Variants in WWOX observed in about 807,000 individuals in gnomAD.
WWOX encodes the protein WW domain containing oxidoreductase.
In WWOX, 69 loss-of-function variants were observed where a neutral mutation model predicts 46.2. The observed-to-expected ratio is 1.49, with a 90% CI of 1.23 to 1.82. The LOEUF is 1.82. Ranked by LOEUF, WWOX falls within the 40% of genes most tolerant of loss-of-function variation. WWOX has a pLI of 0.00. For synonymous variants in WWOX, 359 were observed against 202.6 expected (o/e 1.77, Z -6.56); for missense variants, 919 against 542.6 (o/e 1.69, Z -6.89).
intron 8 of WWOX, among the ~76,000 whole-genome samples, chr16:78,980,219 C>T (rs559704929): frequency 2.0e-5 from 3 of 152,338 alleles, no homozygotes; most frequent in African/African-American, 7.2e-5. Flanking sequence ...CCTTTATAAG[C>T]ATCTAGTTTT....
At chr16:78,941,456 A>T (rs1440933341) in intron 8 of WWOX, among the ~76,000 whole-genome samples, 1 of 149,588 alleles carries the variant, frequency 6.7e-6, no homozygotes, top group Admixed American at 6.7e-5. Context: ...TCCTCCGAAC[A>T]AAGTCCTTTT....
At chr16:78,717,588 T>C (rs1457951154) in intron 8 of WWOX, among the ~76,000 whole-genome samples, 1 of 152,134 alleles carries the variant, frequency 6.6e-6, no homozygotes, top group African/African-American at 2.4e-5. Context: ...TGGAAGAGAT[T>C]AATGAGTTGG....
At chr16:78,485,330 G>A (rs1339039151) in intron 8 of WWOX, among the ~76,000 whole-genome samples, 2 of 151,986 alleles carry the variant, frequency 1.3e-5, no homozygotes, top group African/African-American at 4.8e-5. Context: ...TTCGATTTTG[G>A]CTCTGTGTTG....
At chr16:78,171,636 T>C (rs1396728710) in intron 5 of WWOX, among the ~76,000 whole-genome samples, 1 of 152,178 alleles carries the variant, frequency 6.6e-6, no homozygotes, top group Admixed American at 6.5e-5. Context: ...AGATAAAAGC[T>C]ATTAATATTA....
chr16:78,642,425 G>T (rs372730656), intron 8 of WWOX, among the ~76,000 whole-genome samples: 1 of 151,976 alleles, frequency 6.6e-6, no homozygotes, highest in East Asian at 1.9e-4. Context: ...TTCTCTTTGG[G>T]CTCCCTGCTT....
intron 8 of WWOX, among the ~76,000 whole-genome samples, chr16:79,008,265 AG>A (rs1332252163): frequency 3.9e-5 from 6 of 152,196 alleles, no homozygotes; most frequent in Admixed American, 2.6e-4. Context: ...TCAAGACTGA[AG>A]GAGGCTCCCC....
intron 8 of WWOX, among the ~76,000 whole-genome samples, chr16:78,844,559 C>T (rs971400943): frequency 1.1e-4 from 16 of 152,144 alleles, no homozygotes; most frequent in African/African-American, 3.6e-4. Flanking sequence ...GATAGGTGTA[C>T]AAAAGGGAAA....
At chr16:78,979,060 G>T (rs190991425) in intron 8 of WWOX, among the ~76,000 whole-genome samples, 29 of 148,690 alleles carry the variant, frequency 2.0e-4, no homozygotes, top group African/African-American at 7.2e-4. Flanking sequence ...GGTCTCCTTC[G>T]TCCTCCCTGC....
intron 8 of WWOX, among the ~76,000 whole-genome samples, chr16:79,003,411 T>A (rs1305995516): frequency 2.0e-5 from 3 of 152,218 alleles, no homozygotes; most frequent in African/African-American, 7.2e-5. Context: ...GTGAGGCCTC[T>A]TCCGCTTATC....
At chr16:78,723,417 C>A (rs1002095121) in intron 8 of WWOX, among the ~76,000 whole-genome samples, 1 of 150,012 alleles carries the variant, frequency 6.7e-6, no homozygotes, top group Non-Finnish European at 1.5e-5. Context: ...CCTGATGGTG[C>A]CAAGCTATTA....
intron 8 of WWOX, among the ~76,000 whole-genome samples, chr16:78,820,430 T>C (rs1355468882): frequency 6.6e-6 from 1 of 152,150 alleles, no homozygotes; most frequent in East Asian, 1.9e-4. Flanking sequence ...TCCTAATTCA[T>C]TTTCCCATCC....
intron 8 of WWOX, among the ~76,000 whole-genome samples, chr16:78,782,930 C>G (rs1276549333): frequency 6.6e-6 from 1 of 152,150 alleles, no homozygotes; most frequent in African/African-American, 2.4e-5. Context: ...GCTCTTTTGA[C>G]TTAGGCATAG....
intron 8 of WWOX, among the ~76,000 whole-genome samples, chr16:78,578,285 T>TATATATATATATATATATA (rs10638175): frequency 1.7e-3 from 22 of 12,934 alleles, no homozygotes; most frequent in South Asian, 2.8e-3. Flanking sequence ...TATATATATA[T>TATATATATATATATATATA]TTTTTTTTTT....
intron 8 of WWOX, among the ~76,000 whole-genome samples, chr16:78,841,769 T>C (rs1003622087): frequency 1.3e-5 from 2 of 152,238 alleles, no homozygotes; most frequent in African/African-American, 4.8e-5. Flanking sequence ...TTGTCAATTA[T>C]GTTTTCTTTA....
At chr16:78,932,083 C>G (rs1314209275) in intron 8 of WWOX, among the ~76,000 whole-genome samples, 4 of 152,220 alleles carry the variant, frequency 2.6e-5, no homozygotes, top group Non-Finnish European at 4.4e-5. Flanking sequence ...AACCTCTTTC[C>G]TTTATAAATT....
chr16:78,959,493 G>A (rs1239054509), intron 8 of WWOX, among the ~76,000 whole-genome samples: 1 of 152,132 alleles, frequency 6.6e-6, no homozygotes, highest in Non-Finnish European at 1.5e-5. Flanking sequence ...CCATCTATCT[G>A]TCCATCCATC....
intron 8 of WWOX, among the ~76,000 whole-genome samples, chr16:79,065,895 T>C (rs190535830): frequency 6.6e-6 from 1 of 152,320 alleles, no homozygotes; most frequent in Admixed American, 6.5e-5. Flanking sequence ...CAAAGGTGGC[T>C]TCATTCTCAT....
chr16:79,173,147 C>G (rs1200639732), intron 8 of WWOX, among the ~76,000 whole-genome samples: 1 of 152,200 alleles, frequency 6.6e-6, no homozygotes, highest in Non-Finnish European at 1.5e-5. Flanking sequence ...ACATGTGTGC[C>G]CATGTCTCTG....
chr16:78,481,635 G>GAAA (rs373734150), intron 8 of WWOX, among the ~76,000 whole-genome samples: 2 of 123,226 alleles, frequency 1.6e-5, no homozygotes, highest in African/African-American at 3.9e-5. Flanking sequence ...ATGGAATTGT[G>GAAA]AAAAAAAAAA....
Sources: allele counts gnomAD v4.1 joint callset (sites outside exome capture counted in the v4.1 genomes callset), GRCh38; gene constraint gnomAD v4.1.1; transcripts MANE v1.5; gene names NCBI Gene and HGNC (gene_info 2026-07-23, HGNC 2026-07-21).